Variants in SPDYE21 observed in about 807,000 individuals in gnomAD.
SPDYE21 encodes the protein speedy/RINGO cell cycle regulator family member E21.
A neutral mutation model predicts 36.2 loss-of-function variants in SPDYE21; 14 were observed. The ratio of observed to expected loss-of-function variants is 0.39; its 90% CI spans 0.26 to 0.61. The LOEUF (loss-of-function observed/expected upper bound fraction) is 0.61, where lower values mean the gene tolerates loss of function less well. Ranked by LOEUF, SPDYE21 falls within the 20% of genes least tolerant of loss-of-function variation. SPDYE21 has a pLI of 0.55. For missense variants in SPDYE21, 233 were observed against 424.6 expected, an observed-to-expected ratio of 0.55 and a Z score of 3.97; for synonymous variants, 58 against 155.1, an observed-to-expected ratio of 0.37 and a Z score of 4.65.
In SPDYE21 at chr7:67,282,711, G is replaced by A; in HGVS notation, c.669+18G>A. 8.1e-7 allele frequency: 1 copy of A among 1,227,184 alleles called. No individual in the cohort carries two copies. The highest frequency in any genetic ancestry group is 3.0e-5 in the East Asian group (1 of 33,378). 76.0% of individuals were successfully genotyped at this position (1,227,184 alleles called of 1,614,324 possible). On this transcript the variant is annotated intron_variant, in intron 5 of 8. Transcript: ENST00000424157. ...CGGACAAGGTAAGGTTGTTCTCCAT[G>A]TAACTGTTCCTGTTCCAACACATGG... is the stretch of plus-strand genomic sequence containing the variant.
chr7:67,285,677 A>G (rs1343915035), intron 6 of SPDYE21, among the ~76,000 whole-genome samples: 1 of 152,250 alleles, frequency 6.6e-6, no homozygotes, highest in Non-Finnish European at 1.5e-5. Flanking sequence ...GGCATGAGCC[A>G]CTGCGTCTGG....
At chr7:67,287,386 T>C (rs1167189480) in intron 8 of SPDYE21, among the ~76,000 whole-genome samples, 132 bp from the exon 9 acceptor site, 1 of 152,120 alleles carries the variant, frequency 6.6e-6, no homozygotes, top group Non-Finnish European at 1.5e-5. Flanking sequence ...AAGCAGGGTA[T>C]AGAATGAAAG....
chr7:67,283,267 G>T (rs1247589464), intron 5 of SPDYE21, among the ~76,000 whole-genome samples: 2 of 149,198 alleles, frequency 1.3e-5, no homozygotes, highest in East Asian at 4.1e-4. Flanking sequence ...CTGAGGAGCT[G>T]GGACTAGGCA....
Position 67,286,341 on chromosome 7 carries a change from G to A in SPDYE21, c.1053G>A (p.Lys351=). ...LRRCMNPRAR[K]NRSQIVLFQK... ...GTTGCATGAACCCGAGGGCCAGGAAGAACCGCTCTCAGATAGTCCTGTTCC... is the reference window on the plus strand; with the variant it reads ...GTTGCATGAACCCGAGGGCCAGGAAAAACCGCTCTCAGATAGTCCTGTTCC... Residue 351 remains lysine, a synonymous_variant, in exon 7 of 9, where the codon AAG becomes AAA. Coordinates refer to ENST00000424157, the MANE Select transcript of SPDYE21 (RefSeq NM_001382715.2). 1 of 1,613,852 alleles carries A rather than the reference G, an allele frequency of 6.2e-7. No homozygotes were observed. Among genetic ancestry groups the A allele is most frequent in the Non-Finnish European group, 8.5e-7 (1 of 1,180,022 alleles).
intron 3 of SPDYE21, among the ~76,000 whole-genome samples, chr7:67,281,095 A>C (rs1802626088): frequency 1.0e-5 from 1 of 99,314 alleles, no homozygotes; most frequent in Non-Finnish European, 2.1e-5. Context: ...AACAACAACA[A>C]CAACAAAAAA....
In SPDYE21 at chr7:67,286,133, C is replaced by A; in HGVS notation, c.845C>A (p.Pro282His). ...FLYGKTRSRI[P>H]LLRKRWFQLG... is the part of the protein sequence containing the mutation. Reference sequence around the variant, plus strand: ...TATGGGAAGACCCGCTCTCGCATACCCTTGCTCCGTAAGCGTTGGTTCCAG... The same window carrying A: ...TATGGGAAGACCCGCTCTCGCATACACTTGCTCCGTAAGCGTTGGTTCCAG... Residue 282 changes from proline to histidine, a missense_variant, in exon 7 of 9, where the codon CCC becomes CAC. This residue lies in a region of SPDYE21 where 139 missense variants were observed against 175.8 expected (regional missense o/e 0.79). Coordinates refer to ENST00000424157, the MANE Select transcript of SPDYE21 (RefSeq NM_001382715.2). The A allele has an allele frequency of 1.2e-6, 2 of 1,611,928 alleles. No individual in the cohort carries two copies. Among genetic ancestry groups the A allele is most frequent in the Non-Finnish European group, 1.7e-6 (2 of 1,179,280 alleles).
chr7:67,283,809 T>G, intron 5 of SPDYE21, 104 bp from the exon 6 acceptor site: 1 of 848,610 alleles, frequency 1.2e-6, no homozygotes, highest in Non-Finnish European at 2.0e-6. Context: ...CTGAGGTCCC[T>G]TCTCTGATGG....
At position 67,286,292 on chromosome 7, in the gene SPDYE21, G is replaced by A. The variant is rs540667886; in HGVS notation, c.1004G>A (p.Arg335His). 1.9e-5 allele frequency: 31 copies of A among 1,600,998 alleles called. No homozygotes were observed. In the South Asian group the frequency reaches 2.7e-4, roughly 14 times the overall value. ...RKYRSRIPLV[R>H]KRRFQLRRCM... ...TACCGCTCTCGCATACCCTTGGTCC[G>A]TAAGCGTCGGTTCCAGTTACGCCGT... is the stretch of plus-strand genomic sequence containing the variant. The change falls in exon 7 of 9, where the codon CGT becomes CAT. Residue 335 changes from arginine to histidine, a missense_variant. By Grantham distance (29) the Arg-to-His change is conservative. Transcript: ENST00000424157.
At position 67,288,652 on chromosome 7, in the gene SPDYE21, TTCA is replaced by T. The variant is rs1482678275; in HGVS notation, c.*1183_*1185del. ...TTTTCCTTTTTAAGAGAGGATTCTT[TTCA>T]TCCTAAATCTTTTACCTTTCAATCT... On this transcript the variant is annotated 3_prime_UTR_variant, in exon 9 of 9. Coordinates refer to ENST00000424157, the MANE Select transcript of SPDYE21 (RefSeq NM_001382715.2). 6.7e-6 allele frequency among the ~76,000 whole-genome samples: 1 copy of T among 148,558 alleles called. No homozygotes were observed. Among genetic ancestry groups the T allele is most frequent in the African/African-American group, 2.5e-5 (1 of 40,740 alleles).
At position 67,286,006 on chromosome 7, in the gene SPDYE21, G is replaced by T. The variant is rs1802723916; in HGVS notation, c.756-38G>T. ...TGACCTCAGCCGGAGGCCTCTCCTGGTGGTGCCCCTGAGCAGCAACCTGAT... is the reference window on the plus strand; with the variant it reads ...TGACCTCAGCCGGAGGCCTCTCCTGTTGGTGCCCCTGAGCAGCAACCTGAT... On this transcript the variant is annotated intron_variant, in intron 6 of 8. Transcript: ENST00000424157. 1.9e-6 allele frequency: 3 copies of T among 1,612,206 alleles called. No homozygotes were observed. In the Admixed American group the frequency reaches 5.0e-5, roughly 27 times the overall value.
chr7:67,286,936 C>A (rs1368647282), intron 8 of SPDYE21, among the ~76,000 whole-genome samples: 4 of 152,280 alleles, frequency 2.6e-5, no homozygotes, highest in African/African-American at 7.2e-5. Context: ...CAGAGTGAGA[C>A]CCTGCCTCAA....
chr7:67,277,649 G>T (rs528944289), intron 1 of SPDYE21, among the ~76,000 whole-genome samples: 38 of 151,710 alleles, frequency 2.5e-4, no homozygotes, highest in Admixed American at 2.4e-3. Flanking sequence ...GTCTTGAACT[G>T]CTGGCCTCAG....
intron 6 of SPDYE21, among the ~76,000 whole-genome samples, chr7:67,285,720 T>G (rs1802717762): frequency 6.6e-6 from 1 of 152,082 alleles, no homozygotes. Flanking sequence ...GAGACGAGGG[T>G]CTTGCTATGT....
intron 6 of SPDYE21, among the ~76,000 whole-genome samples, chr7:67,285,081 C>A (rs188334133): frequency 6.6e-6 from 1 of 152,102 alleles, no homozygotes; most frequent in African/African-American, 2.4e-5. Flanking sequence ...CTTCCCTCAT[C>A]TTCCAACTTC....
rs542182432 is a variant in SPDYE21 at position 67,285,849 on chromosome 7, T to C, written c.756-195T>C. Among the ~76,000 whole-genome samples, 4 of 152,138 alleles carry C rather than the reference T, an allele frequency of 2.6e-5. No individual in the cohort carries two copies. In the South Asian group the frequency reaches 8.3e-4, roughly 32 times the overall value. On this transcript the variant is annotated intron_variant, in intron 6 of 8. Transcript: ENST00000424157. Reference sequence around the variant, plus strand: ...GCCACCAGTTGGGTTTTTGTCTCCATCCTGAAGGAGTGGGAGACGCCCTTG... The same window carrying C: ...GCCACCAGTTGGGTTTTTGTCTCCACCCTGAAGGAGTGGGAGACGCCCTTG...
In SPDYE21 at chr7:67,279,947, A is replaced by T; in HGVS notation, c.290A>T (p.Glu97Val). The T allele has an allele frequency of 6.3e-7, 1 of 1,587,784 alleles. No homozygotes were observed. The highest frequency in any genetic ancestry group is 8.5e-7 in the Non-Finnish European group (1 of 1,176,604). Residue 97 changes from glutamate to valine, a missense_variant, in exon 3 of 9, where the codon GAG becomes GTG. This residue lies in a region of SPDYE21 where 68 missense variants were observed against 87.6 expected (regional missense o/e 0.78). Transcript: ENST00000424157. ...GAGCCTGAGGAGACCTGGGTAGTGGAGACGCTGTGTGGGCTTAAGATGAAG... is the reference window on the plus strand; with the variant it reads ...GAGCCTGAGGAGACCTGGGTAGTGGTGACGCTGTGTGGGCTTAAGATGAAG... ...APEPEETWVV[E>V]TLCGLKMKLK...
chr7:67,285,279 G>A (rs1802708870), intron 6 of SPDYE21, among the ~76,000 whole-genome samples: 1 of 152,176 alleles, frequency 6.6e-6, no homozygotes, highest in Non-Finnish European at 1.5e-5. Context: ...GCAGTGGTGA[G>A]ATCATAGCTC....
chr7:67,281,343 CA>C (rs1802636329), intron 3 of SPDYE21, 30 bp from the exon 4 acceptor site: 1 of 1,363,490 alleles, frequency 7.3e-7, no homozygotes, highest in African/African-American at 1.4e-5. Context: ...ACTGCAGAAG[CA>C]TTACACCGTG....
chr7:67,282,818 T>C, intron 5 of SPDYE21, 125 bp downstream of exon 5: 4 of 1,323,706 alleles, frequency 3.0e-6, no homozygotes, highest in Non-Finnish European at 4.2e-6. Context: ...TTTTTTTTTT[T>C]TTTTGTGAGA....
Sources: gnomAD v4.1 joint callset for allele counts (sites outside exome capture counted in the v4.1 genomes callset) on GRCh38, gnomAD v4.1.1 for gene constraint, gnomAD v4.1.1 regional missense constraint, MANE v1.5 for transcripts, NCBI Gene and HGNC (gene_info 2026-07-23, HGNC 2026-07-21) for gene names.